RPS6KA6: variants seen among roughly 807,000 people sequenced by gnomAD.
RPS6KA6 encodes the protein ribosomal protein S6 kinase alpha-6.
RPS6KA6 carries 27 observed loss-of-function variants against 65.4 expected under a neutral mutation model. The observed-to-expected ratio is 0.41, with a 90% CI of 0.30 to 0.57. RPS6KA6 has a LOEUF of 0.57. RPS6KA6 is among the 20% of genes least tolerant of loss of function. RPS6KA6 has a pLI of 0.24. For missense variants in RPS6KA6, 486 were observed against 555.6 expected (o/e 0.87, Z 1.26); for synonymous variants, 190 against 184.2 (o/e 1.03, Z -0.26).
At chrX:84,079,289 A>G (rs1258644062) in intron 20 of RPS6KA6, among the ~76,000 whole-genome samples, 1 of 111,150 alleles carries the variant, frequency 9.0e-6, no homozygotes, top group African/African-American at 3.3e-5. Flanking sequence ...CAGACCAGAT[A>G]CTATAATTTT....
Position 84,188,044 on chromosome X carries a change from C to T in RPS6KA6, c.-145G>A. On this transcript the variant is annotated 5_prime_UTR_variant, in exon 1 of 22. Transcript: ENST00000262752. ...CCCCGCCTTCAGCGAGCGCTGCCCT[C>T]GCCGCCGGGTCTCTCAGAGGCTGGG... 4.5e-6 allele frequency: 1 copy of T among 220,231 alleles called. No individual in the cohort carries two copies. Among genetic ancestry groups the T allele is most frequent in the Non-Finnish European group, 7.0e-6 (1 of 142,580 alleles). The allele number at this position is 220,231 out of a possible 1,213,427, so 18.1% of individuals were successfully genotyped here. A position where few individuals can be genotyped will look rare whatever the true frequency, so the allele number is the denominator to read the frequency against.
intron 10 of RPS6KA6, 44 bp from the exon 11 acceptor site, chrX:84,117,192 A>G (rs1375275590): frequency 9.8e-7 from 1 of 1,023,613 alleles, no homozygotes; most frequent in Non-Finnish European, 1.3e-6. Flanking sequence ...ATTTAGCCAC[A>G]TTTTTGATTT....
intron 6 of RPS6KA6, among the ~76,000 whole-genome samples, chrX:84,143,090 G>A (rs1003845786): frequency 3.6e-5 from 4 of 110,304 alleles, no homozygotes; most frequent in Non-Finnish European, 5.7e-5. Flanking sequence ...AGCAAATATC[G>A]TCCAACAATT....
chrX:84,184,019 TA>T (rs1323907634), intron 1 of RPS6KA6, among the ~76,000 whole-genome samples: 1 of 112,390 alleles, frequency 8.9e-6, no homozygotes, highest in Non-Finnish European at 1.9e-5. Context: ...AACCAATTCC[TA>T]CCATGACAAG....
In RPS6KA6 at chrX:84,062,428, A is replaced by G. The variant is rs1291868827; in HGVS notation, c.*1849T>C. 1 of 111,403 alleles carries G rather than the reference A, an allele frequency of 9.0e-6. No homozygotes were observed. The highest frequency in any genetic ancestry group is 1.9e-5 in the Non-Finnish European group (1 of 52,998). 9.2% of individuals were successfully genotyped at this position (111,403 alleles called of 1,213,427 possible). A position where few individuals can be genotyped will look rare whatever the true frequency, so the allele number is the denominator to read the frequency against. On this transcript the variant is annotated 3_prime_UTR_variant, in exon 22 of 22. Transcript: ENST00000262752. ...GCATAACAGCACTAGATAATGACAGAAGGAAAATAAGTCAGAATATATGCT... is the reference window on the plus strand; with the variant it reads ...GCATAACAGCACTAGATAATGACAGGAGGAAAATAAGTCAGAATATATGCT...
chrX:84,106,975 T>C lies in RPS6KA6; in HGVS notation c.1177A>G (p.Thr393Ala). The C allele has an allele frequency of 8.3e-7, 1 of 1,200,931 alleles. No homozygotes were observed. Among genetic ancestry groups the C allele is most frequent in the Non-Finnish European group, 1.1e-6 (1 of 887,281 alleles). The change falls in exon 14 of 22, where the codon ACT becomes GCT. Residue 393 changes from threonine (T) to alanine (A), a missense_variant. Coordinates refer to ENST00000262752, the MANE Select transcript of RPS6KA6 (RefSeq NM_014496.5). Reference protein sequence around the residue: ...QLFKGFSFVATSIAEEYKITP... With the variant: ...QLFKGFSFVAASIAEEYKITP... ...ATTTTATATTCTTCTGCAATAGAAG[T>C]TGCAACAAAGCTGAATCCTTTGAAG...
At position 84,128,113 on chromosome X, in the gene RPS6KA6, G is replaced by C. The variant is rs192352991; in HGVS notation, c.646+6669C>G. On this transcript the variant is annotated intron_variant, in intron 8 of 21. Coordinates refer to ENST00000262752, the MANE Select transcript of RPS6KA6 (RefSeq NM_014496.5). ...GAAACTATTAGAACTGACAAACTCA[G>C]CAAAGTTGCAGGATACAAAATGAAC... is the stretch of plus-strand genomic sequence containing the variant. 2.7e-5 allele frequency among the ~76,000 whole-genome samples: 3 copies of C among 111,687 alleles called. No homozygotes were observed. The Admixed American group carries it at 2.9e-4, about 11-fold the overall frequency.
At chrX:84,136,490 T>C (rs2034994088) in intron 6 of RPS6KA6, among the ~76,000 whole-genome samples, 1 of 111,603 alleles carries the variant, frequency 9.0e-6, no homozygotes, top group Non-Finnish European at 1.9e-5. Context: ...TTGAATATTA[T>C]AATGGTAAAA....
In RPS6KA6 at chrX:84,188,051, G is replaced by C; in HGVS notation, c.-152C>G. The C allele has an allele frequency of 5.2e-6, 1 of 192,870 alleles. No homozygotes were observed. Among genetic ancestry groups the C allele is most frequent in the Non-Finnish European group, 8.3e-6 (1 of 120,976 alleles). 15.9% of individuals were successfully genotyped at this position (192,870 alleles called of 1,213,427 possible). On this transcript the variant is annotated 5_prime_UTR_variant, in exon 1 of 22. Transcript: ENST00000262752. ...TTCAGCGAGCGCTGCCCTCGCCGCC[G>C]GGTCTCTCAGAGGCTGGGAGCTGGG... is the stretch of plus-strand genomic sequence containing the variant.
At chrX:84,079,552 G>C (rs768351094) in intron 20 of RPS6KA6, among the ~76,000 whole-genome samples, 1 of 111,391 alleles carries the variant, frequency 9.0e-6, no homozygotes, top group East Asian at 2.8e-4. Flanking sequence ...CCCCCACAGA[G>C]CCCAGCAAGC....
chrX:84,174,977 T>C (rs1048926192), intron 1 of RPS6KA6, among the ~76,000 whole-genome samples: 1 of 112,256 alleles, frequency 8.9e-6, no homozygotes, highest in African/African-American at 3.2e-5. Context: ...CGATTTTTAT[T>C]AGTTTTCTTA....
intron 15 of RPS6KA6, 113 bp downstream of exon 15, chrX:84,106,252 C>A: frequency 1.5e-6 from 1 of 676,320 alleles, no homozygotes; most frequent in East Asian, 3.7e-5. Context: ...AGTTCTTTCT[C>A]ATCATCTTAT....
At chrX:84,105,074 T>C (rs1402184057) in intron 16 of RPS6KA6, among the ~76,000 whole-genome samples, 1 of 110,924 alleles carries the variant, frequency 9.0e-6, no homozygotes, top group Non-Finnish European at 1.9e-5. Flanking sequence ...GTTCATTATC[T>C]GATTTGGTAT....
intron 18 of RPS6KA6, among the ~76,000 whole-genome samples, chrX:84,098,479 A>G (rs2034198797): frequency 9.0e-6 from 1 of 111,483 alleles, no homozygotes; most frequent in South Asian, 3.7e-4. Flanking sequence ...TAAAAATCAA[A>G]TAATACATTT....
At chrX:84,182,731 G>A (rs1303075277) in intron 1 of RPS6KA6, among the ~76,000 whole-genome samples, 1 of 111,986 alleles carries the variant, frequency 8.9e-6, no homozygotes, top group Non-Finnish European at 1.9e-5. Context: ...GAGGAACTGA[G>A]AAGGCACCTG....
chrX:84,188,455 A>G (rs1342615666), upstream of RPS6KA6, among the ~76,000 whole-genome samples: 1 of 111,050 alleles, frequency 9.0e-6, no homozygotes, highest in African/African-American at 3.3e-5. Context: ...GCGACTGAAC[A>G]GTAGTAAAAG....
intron 2 of RPS6KA6, among the ~76,000 whole-genome samples, chrX:84,160,682 A>T (rs772144486): frequency 1.8e-5 from 2 of 111,241 alleles, no homozygotes; most frequent in African/African-American, 3.3e-5. Context: ...AAAATCCAAG[A>T]ATCATTTAGT....
intron 6 of RPS6KA6, among the ~76,000 whole-genome samples, chrX:84,138,569 A>C (rs1315916370): frequency 8.9e-6 from 1 of 112,128 alleles, no homozygotes; most frequent in Non-Finnish European, 1.9e-5. Flanking sequence ...AAACAAACAA[A>C]AATATTATTT....
intron 18 of RPS6KA6, among the ~76,000 whole-genome samples, chrX:84,099,197 A>T (rs1460997816): frequency 9.0e-6 from 1 of 111,205 alleles, no homozygotes; most frequent in Non-Finnish European, 1.9e-5. Flanking sequence ...CCTAGTTATG[A>T]GGACAGACTT....
Sources: allele counts gnomAD v4.1 joint callset (sites outside exome capture counted in the v4.1 genomes callset), GRCh38; gene constraint gnomAD v4.1.1; transcripts MANE v1.5; gene names NCBI Gene and HGNC (gene_info 2026-07-23, HGNC 2026-07-21).